SHOC2: variants seen among roughly 807,000 people sequenced by gnomAD.
The protein encoded by SHOC2 is SHOC2 leucine rich repeat scaffold protein, also known as leucine-rich repeat protein SHOC-2.
SHOC2 carries 4 observed loss-of-function variants against 50.2 expected under a neutral mutation model. That is an observed-to-expected ratio of 0.08 (90% confidence interval 0.04 to 0.18). The LOEUF is 0.18. Ranked by LOEUF, SHOC2 falls within the 10% of genes least tolerant of loss-of-function variation. SHOC2 has a pLI of 1.00. For synonymous variants in SHOC2, 218 were observed against 244.5 expected (o/e 0.89, Z 1.01); for missense variants, 388 against 669.6 (o/e 0.58, Z 4.64).
At chr10:110,991,894 AAAAC>A (rs1287743197) in intron 3 of SHOC2, among the ~76,000 whole-genome samples, 2 of 152,184 alleles carry the variant, frequency 1.3e-5, no homozygotes, top group Non-Finnish European at 2.9e-5. Flanking sequence ...CTTAAAATGA[AAAAC>A]AAACAGAAAG....
In SHOC2 at chr10:111,006,803, A is replaced by G. The variant is rs1162890820; in HGVS notation, c.1162-728A>G. Among the ~76,000 whole-genome samples the G allele has an allele frequency of 2.0e-5, 3 of 152,150 alleles. No homozygotes were observed. In the East Asian group the frequency reaches 5.8e-4, roughly 29 times the overall value. On this transcript the variant is annotated intron_variant, in intron 5 of 8. Coordinates refer to ENST00000369452, the MANE Select transcript of SHOC2 (RefSeq NM_007373.4). ...GGGGTGTTGATTATCCTCTCCCAAT[A>G]CCAATACCCCTAACACATAACATTG...
intron 1 of SHOC2, among the ~76,000 whole-genome samples, chr10:110,923,814 T>A (rs1177981604): frequency 6.6e-6 from 1 of 152,234 alleles, no homozygotes; most frequent in Non-Finnish European, 1.5e-5. Flanking sequence ...CTTTTGTTGA[T>A]AGCACTAGGA....
intron 1 of SHOC2, among the ~76,000 whole-genome samples, chr10:110,942,648 A>G (rs986765833): frequency 2.6e-5 from 4 of 152,192 alleles, no homozygotes; most frequent in African/African-American, 9.6e-5. Context: ...CCTCTCTGTA[A>G]TAACATCCTC....
chr10:110,924,895 C>T (rs935355225), intron 1 of SHOC2, among the ~76,000 whole-genome samples: 47 of 151,676 alleles, frequency 3.1e-4, no homozygotes, highest in Non-Finnish European at 1.3e-4. Flanking sequence ...TGTAGCGAAA[C>T]CCCGTCTCTA....
chr10:110,919,741 C>A, intron 1 of SHOC2, 84 bp downstream of exon 1: 1 of 396,550 alleles, frequency 2.5e-6, no homozygotes, highest in Non-Finnish European at 4.5e-6. Flanking sequence ...GTCGGGCTGG[C>A]TGTCGGTAGG....
chr10:110,944,420 A>G (rs72819747), intron 1 of SHOC2, among the ~76,000 whole-genome samples: 2,526 of 149,180 alleles, frequency 0.017, 30 homozygotes, highest in South Asian at 0.073. Context: ...GAAGTGTTTA[A>G]TAAGTCCAAT....
intron 1 of SHOC2, among the ~76,000 whole-genome samples, chr10:110,952,695 T>C (rs1304221249): frequency 6.6e-6 from 1 of 152,108 alleles, no homozygotes; most frequent in Non-Finnish European, 1.5e-5. Context: ...GGTGTTTGTC[T>C]TAATGCCCTC....
At chr10:110,974,544 A>C (rs1280280845) in intron 2 of SHOC2, among the ~76,000 whole-genome samples, 1 of 152,054 alleles carries the variant, frequency 6.6e-6, no homozygotes, top group Non-Finnish European at 1.5e-5. Context: ...TTGTGTTTCT[A>C]TCCTGCCTGA....
intron 1 of SHOC2, among the ~76,000 whole-genome samples, chr10:110,920,706 G>T (rs529015676): frequency 6.6e-6 from 1 of 152,178 alleles, no homozygotes; most frequent in Admixed American, 6.5e-5. Flanking sequence ...GCTTTGTATC[G>T]TAATGGGGGT....
intron 1 of SHOC2, among the ~76,000 whole-genome samples, chr10:110,940,931 T>TGACAGGG (rs1564705810): frequency 4.9e-5 from 4 of 81,992 alleles, no homozygotes; most frequent in Admixed American, 1.6e-4. Context: ...TTTTTTTTTT[T>TGACAGGG]TTTTTTTTTT....
At chr10:110,958,803 C>T (rs923333343) in intron 1 of SHOC2, among the ~76,000 whole-genome samples, 1 of 152,056 alleles carries the variant, frequency 6.6e-6, no homozygotes, top group African/African-American at 2.4e-5. Context: ...AGACATTACC[C>T]TGAATCCCTT....
At chr10:110,975,808 TC>T (rs1456864941) in intron 2 of SHOC2, among the ~76,000 whole-genome samples, 2 of 152,230 alleles carry the variant, frequency 1.3e-5, no homozygotes, top group African/African-American at 4.8e-5. Context: ...AATATTTTTT[TC>T]TTTTTAATTT....
chr10:110,983,109 T>C (rs985784803), intron 2 of SHOC2, among the ~76,000 whole-genome samples: 1 of 152,136 alleles, frequency 6.6e-6, no homozygotes, highest in African/African-American at 2.4e-5. Flanking sequence ...GAATTTATGA[T>C]TTTAATTACA....
At chr10:110,948,835 G>A (rs532747954) in intron 1 of SHOC2, among the ~76,000 whole-genome samples, 1 of 152,290 alleles carries the variant, frequency 6.6e-6, no homozygotes, top group South Asian at 2.1e-4. Flanking sequence ...GAAAAAGCTT[G>A]TCCAACCTGT....
chr10:110,958,645 C>T (rs933815864), intron 1 of SHOC2, among the ~76,000 whole-genome samples: 3 of 152,170 alleles, frequency 2.0e-5, no homozygotes, highest in African/African-American at 7.2e-5. Context: ...CCCAGACCTC[C>T]CTCCTTTATT....
At chr10:111,007,800 A>G (rs1394062190) in intron 6 of SHOC2, 147 bp downstream of exon 6, 3 of 791,814 alleles carry the variant, frequency 3.8e-6, no homozygotes, top group Non-Finnish European at 6.2e-6. Flanking sequence ...CCCTAATAGG[A>G]TAATGAAGTG....
chr10:110,959,500 A>G (rs1847532335), intron 1 of SHOC2, among the ~76,000 whole-genome samples: 1 of 152,222 alleles, frequency 6.6e-6, no homozygotes, highest in Non-Finnish European at 1.5e-5. Flanking sequence ...GTGAACCTAC[A>G]AAATTCCAAA....
intron 2 of SHOC2, among the ~76,000 whole-genome samples, chr10:110,971,947 T>C (rs1234687915): frequency 2.6e-5 from 4 of 151,788 alleles, no homozygotes; most frequent in African/African-American, 9.7e-5. Flanking sequence ...TAAAAGCATA[T>C]TGAACAGAGT....
intron 5 of SHOC2, among the ~76,000 whole-genome samples, chr10:111,006,749 T>A (rs1202838246): frequency 6.6e-6 from 1 of 152,196 alleles, no homozygotes; most frequent in East Asian, 1.9e-4. Flanking sequence ...GTTAACATAC[T>A]GACATACATT....
Sources: gnomAD v4.1 joint callset for allele counts (sites outside exome capture counted in the v4.1 genomes callset) on GRCh38, gnomAD v4.1.1 for gene constraint, MANE v1.5 for transcripts, NCBI Gene and HGNC (gene_info 2026-07-23, HGNC 2026-07-21) for gene names.